Variants in MDFIC2 observed in about 807,000 individuals in gnomAD.
The protein encoded by MDFIC2 is myoD family inhibitor domain-containing protein 2.
intron 2 of MDFIC2, among the ~76,000 whole-genome samples, chr3:70,284,338 A>G (rs1171244865): frequency 6.6e-6 from 1 of 152,184 alleles, no homozygotes; most frequent in Non-Finnish European, 1.5e-5. Context: ...TCCAAGTTGT[A>G]AACTAATAAA....
intron 2 of MDFIC2, among the ~76,000 whole-genome samples, chr3:70,275,425 G>T (rs1343035635): frequency 6.6e-6 from 1 of 152,176 alleles, no homozygotes; most frequent in African/African-American, 2.4e-5. Context: ...TGAGGTGGGA[G>T]GATTGCTTGA....
intron 2 of MDFIC2, among the ~76,000 whole-genome samples, chr3:70,261,378 T>A (rs766332172): frequency 1.3e-5 from 2 of 152,226 alleles, no homozygotes; most frequent in Admixed American, 6.5e-5. Flanking sequence ...AACATGCATA[T>A]GTTTAATCTG....
chr3:70,294,074 A>G (rs1209562509), intron 2 of MDFIC2, among the ~76,000 whole-genome samples: 1 of 152,108 alleles, frequency 6.6e-6, no homozygotes, highest in Admixed American at 6.6e-5. Context: ...TTATAAAGAC[A>G]TGGCCATGTT....
chr3:70,224,991 T>C (rs1701490214), intron 2 of MDFIC2, among the ~76,000 whole-genome samples: 1 of 152,154 alleles, frequency 6.6e-6, no homozygotes, highest in African/African-American at 2.4e-5. Context: ...ATAGGTGACA[T>C]GACAATGTTG....
At chr3:70,217,693 C>G (rs1457805394) in intron 2 of MDFIC2, among the ~76,000 whole-genome samples, 1 of 152,126 alleles carries the variant, frequency 6.6e-6, no homozygotes, top group Non-Finnish European at 1.5e-5. Flanking sequence ...AATCTGAAAT[C>G]TCTTGCATGA....
chr3:70,238,989 A>G (rs1701639184), intron 2 of MDFIC2, among the ~76,000 whole-genome samples: 1 of 152,216 alleles, frequency 6.6e-6, no homozygotes, highest in African/African-American at 2.4e-5. Context: ...AAATATTCAC[A>G]GAGTGGAAAT....
chr3:70,244,309 T>TAAC (rs1210479265), intron 2 of MDFIC2, among the ~76,000 whole-genome samples: 9 of 152,226 alleles, frequency 5.9e-5, no homozygotes, highest in Admixed American at 1.3e-4. Context: ...CACTGCAGTG[T>TAAC]AGACTTTTTC....
intron 2 of MDFIC2, among the ~76,000 whole-genome samples, chr3:70,286,899 A>G (rs1400516740): frequency 6.6e-6 from 1 of 151,918 alleles, no homozygotes; most frequent in Non-Finnish European, 1.5e-5. Context: ...ATTTTTGTAC[A>G]TTGATTTTGT....
At chr3:70,197,647 G>T (rs1701195298) in intron 3 of MDFIC2, among the ~76,000 whole-genome samples, 1 of 152,194 alleles carries the variant, frequency 6.6e-6, no homozygotes. Context: ...TTTCGACATG[G>T]ATTCCCATAA....
chr3:70,305,841 T>G (rs1352483432), intron 2 of MDFIC2, among the ~76,000 whole-genome samples: 1 of 152,192 alleles, frequency 6.6e-6, no homozygotes, highest in East Asian at 1.9e-4. Flanking sequence ...CATGAAAGTT[T>G]AGGAATGAGA....
chr3:70,250,800 A>G (rs377538848), intron 2 of MDFIC2, among the ~76,000 whole-genome samples: 4 of 152,192 alleles, frequency 2.6e-5, no homozygotes, highest in African/African-American at 9.7e-5. Context: ...ACATAAACAT[A>G]TGCATTTCTT....
intron 2 of MDFIC2, among the ~76,000 whole-genome samples, chr3:70,296,072 T>C (rs1559557044): frequency 6.6e-6 from 1 of 152,210 alleles, no homozygotes; most frequent in East Asian, 1.9e-4. Context: ...TTTTATGTCT[T>C]AGAATTCATT....
chr3:70,293,676 C>T (rs1575618280), intron 2 of MDFIC2, among the ~76,000 whole-genome samples: 1 of 151,938 alleles, frequency 6.6e-6, no homozygotes, highest in East Asian at 1.9e-4. Flanking sequence ...TCCATTTTCT[C>T]TTTCCAGAAA....
At chr3:70,277,121 G>GAT (rs1442518716) in intron 2 of MDFIC2, among the ~76,000 whole-genome samples, 2 of 152,154 alleles carry the variant, frequency 1.3e-5, no homozygotes. Context: ...AAGTCTGTGT[G>GAT]ATTAGGTGAG....
At chr3:70,304,512 T>C (rs1559559146) in intron 2 of MDFIC2, among the ~76,000 whole-genome samples, 1 of 152,164 alleles carries the variant, frequency 6.6e-6, no homozygotes, top group Non-Finnish European at 1.5e-5. Flanking sequence ...CACTTCACCA[T>C]TCATCATTAC....
At chr3:70,309,902 G>A (rs1020328204) in intron 2 of MDFIC2, among the ~76,000 whole-genome samples, 5 of 152,082 alleles carry the variant, frequency 3.3e-5, no homozygotes, top group Admixed American at 2.0e-4. Flanking sequence ...TAATGGACAC[G>A]ATTCTTTTTT....
chr3:70,247,011 G>A (rs1479395324), intron 2 of MDFIC2, among the ~76,000 whole-genome samples: 2 of 151,830 alleles, frequency 1.3e-5, no homozygotes, highest in Admixed American at 6.6e-5. Flanking sequence ...GTGAGTGGTC[G>A]CCTATCTGTT....
At chr3:70,260,112 G>T (rs1489883699) in intron 2 of MDFIC2, among the ~76,000 whole-genome samples, 1 of 152,170 alleles carries the variant, frequency 6.6e-6, no homozygotes, top group Non-Finnish European at 1.5e-5. Context: ...TTGGCTTACA[G>T]TTCTAAAGGC....
At chr3:70,271,588 T>C (rs1418784001) in intron 2 of MDFIC2, among the ~76,000 whole-genome samples, 1 of 152,218 alleles carries the variant, frequency 6.6e-6, no homozygotes, top group Non-Finnish European at 1.5e-5. Flanking sequence ...CAAATTCTGG[T>C]TGGTCCATTA....
Sources: gnomAD v4.1 joint callset for allele counts (sites outside exome capture counted in the v4.1 genomes callset) on GRCh38, gnomAD v4.1.1 for gene constraint, MANE v1.5 for transcripts, NCBI Gene and HGNC (gene_info 2026-07-23, HGNC 2026-07-21) for gene names.